Variants in ANKRD18A observed in about 807,000 individuals in gnomAD.
The protein encoded by ANKRD18A is ankyrin repeat domain 18A.
Under a neutral mutation model 110.6 loss-of-function variants are expected in ANKRD18A, and 72 were observed. The observed-to-expected ratio is 0.65, with a 90% CI of 0.54 to 0.79. The LOEUF (loss-of-function observed/expected upper bound fraction) is 0.79. ANKRD18A is among the 30% of genes least tolerant of loss of function. The probability of loss-of-function intolerance (pLI) is 0.00; values close to 1 mark genes in which losing one functional copy is unlikely to be tolerated. For synonymous variants in ANKRD18A, 305 were observed against 410.3 expected, an observed-to-expected ratio of 0.74 and a Z score of 3.10; for missense variants, 934 against 1,163.3, an observed-to-expected ratio of 0.80 and a Z score of 2.87.
chr9:38,614,219 G>GTTTTTTTTTTTT (rs58955752), intron 3 of ANKRD18A, among the ~76,000 whole-genome samples: 98 of 68,822 alleles, frequency 1.4e-3, no homozygotes, highest in South Asian at 2.2e-3. Flanking sequence ...GAACACTGAG[G>GTTTTTTTTTTTT]TTTTTTTTTT....
chr9:38,578,953 T>G (rs374770427), intron 12 of ANKRD18A, among the ~76,000 whole-genome samples: 3 of 152,270 alleles, frequency 2.0e-5, no homozygotes, highest in South Asian at 4.1e-4. Flanking sequence ...AAACTGCAAA[T>G]GTTTCATGCT....
intron 10 of ANKRD18A, 60 bp downstream of exon 10, chr9:38,593,700 C>T (rs1293696194): frequency 5.5e-5 from 75 of 1,369,036 alleles, no homozygotes; most frequent in South Asian, 2.1e-4. Flanking sequence ...TATCCTAAGA[C>T]ACTTTATATT....
In ANKRD18A at chr9:38,571,599, A is replaced by C. The variant is rs1823644832; in HGVS notation, c.*446T>G. The stretch of plus-strand genomic sequence containing the variant: ...TAACACTAGTATGGACAAACCTGGC[A>C]GATACTCTTTAAGTCTCCTACTACA... On this transcript the variant is annotated 3_prime_UTR_variant, in exon 16 of 16. Transcript: ENST00000399703. 1 of 1,010,510 alleles carries C rather than the reference A, an allele frequency of 9.9e-7. No homozygotes were observed. The highest frequency in any genetic ancestry group is 5.7e-5 in the Admixed American group (1 of 17,596). The allele number at this position is 1,010,510 out of a possible 1,614,324, so 62.6% of individuals were successfully genotyped here. A position where few individuals can be genotyped will look rare whatever the true frequency, so the allele number is the denominator to read the frequency against.
chr9:38,618,677 A>T (rs933321355), intron 1 of ANKRD18A, among the ~76,000 whole-genome samples: 2 of 152,172 alleles, frequency 1.3e-5, no homozygotes, highest in African/African-American at 4.8e-5. Context: ...AACACTGTGG[A>T]TAGAACACAG....
chr9:38,593,729 T>G (rs967833881), intron 10 of ANKRD18A, 31 bp downstream of exon 10: 1 of 1,481,208 alleles, frequency 6.8e-7, no homozygotes, highest in African/African-American at 1.4e-5. Context: ...AGCTACAGAT[T>G]AACTGTCTAC....
intron 3 of ANKRD18A, 146 bp downstream of exon 3, chr9:38,615,448 A>T (rs1825809229): frequency 1.2e-5 from 14 of 1,189,988 alleles, no homozygotes; most frequent in African/African-American, 7.8e-5. Flanking sequence ...CTTCTTTAAA[A>T]GTATCAATAT....
chr9:38,593,288 A>G (rs1336359259), intron 10 of ANKRD18A, among the ~76,000 whole-genome samples: 1 of 152,202 alleles, frequency 6.6e-6, no homozygotes, highest in African/African-American at 2.4e-5. Flanking sequence ...AAACATGTGC[A>G]TTTCAAAGAA....
At chr9:38,588,866 A>C (rs2118734944) in intron 10 of ANKRD18A, among the ~76,000 whole-genome samples, 1 of 152,166 alleles carries the variant, frequency 6.6e-6, no homozygotes, top group East Asian at 1.9e-4. Flanking sequence ...TTTCATCATT[A>C]CCTTTTCTGA....
intron 4 of ANKRD18A, among the ~76,000 whole-genome samples, chr9:38,610,857 T>TATAATA (rs55823641): frequency 0.014 from 1,813 of 133,826 alleles, 65 homozygotes; most frequent in Middle Eastern, 0.026. Context: ...CAGCAACAAC[T>TATAATA]ATAATAATAA....
chr9:38,617,922 G>T (rs1412115816), intron 1 of ANKRD18A, among the ~76,000 whole-genome samples: 3 of 152,044 alleles, frequency 2.0e-5, no homozygotes, highest in Non-Finnish European at 2.9e-5. Context: ...AATAATATTT[G>T]CTATTTGTTA....
chr9:38,584,656 T>C (rs1317086740), intron 12 of ANKRD18A, among the ~76,000 whole-genome samples: 2 of 152,138 alleles, frequency 1.3e-5, no homozygotes, highest in African/African-American at 4.8e-5. Flanking sequence ...GTTCAAGACA[T>C]AAGAGAATCA....
rs546859718 is a variant in ANKRD18A, at chr9:38,600,500, C to G, written c.936+631G>C. ...AATATATTCTAAGCTCCACTAGTGA[C>G]AGCGCTTTACAAATTTTAATAGCAT... On this transcript the variant is annotated intron_variant, in intron 8 of 15. Transcript: ENST00000399703. Among the ~76,000 whole-genome samples, 3 of 152,288 alleles carry G rather than the reference C, an allele frequency of 2.0e-5. No individual in the cohort carries two copies. The South Asian group carries it at 6.2e-4, about 32-fold the overall frequency.
At chr9:38,614,889 C>T (rs1390069995) in intron 3 of ANKRD18A, among the ~76,000 whole-genome samples, 1 of 152,088 alleles carries the variant, frequency 6.6e-6, no homozygotes, top group Non-Finnish European at 1.5e-5. Flanking sequence ...TAATTTGTTC[C>T]ACCCTTTGCT....
chr9:38,595,222 C>A (rs1233653065), intron 9 of ANKRD18A, among the ~76,000 whole-genome samples: 1 of 152,142 alleles, frequency 6.6e-6, no homozygotes, highest in Non-Finnish European at 1.5e-5. Flanking sequence ...TACAATCCAA[C>A]TTTAGAACAT....
downstream of ANKRD18A, chr9:38,568,991 C>T (rs1823544519): frequency 7.1e-6 from 7 of 985,434 alleles, no homozygotes; most frequent in Non-Finnish European, 8.4e-6. Flanking sequence ...TTTCCAGCTT[C>T]CCCTTTGAGA....
downstream of ANKRD18A, chr9:38,568,850 C>A (rs1305954462): frequency 3.0e-6 from 3 of 985,286 alleles, no homozygotes; most frequent in Non-Finnish European, 3.6e-6. Flanking sequence ...CCCAACTGGG[C>A]CAGGACCCTT....
At chr9:38,578,855 C>T (rs1339765591) in intron 12 of ANKRD18A, among the ~76,000 whole-genome samples, 3 of 152,198 alleles carry the variant, frequency 2.0e-5, no homozygotes, top group African/African-American at 7.2e-5. Context: ...TGCACTTCTT[C>T]CTGGACGATA....
rs1367963823 is a variant in ANKRD18A, at chr9:38,596,092, T to G, written c.1248A>C (p.Glu416Asp). ...EKEKHNKERL[E>D]AEVESLHSSL... is the part of the protein sequence containing the mutation. ...TAGAATGGAGGGATTCAACTTCAGC[T>G]TCTAGTCTTTCTTTGTTGTGTTTTT... Residue 416 changes from glutamate to aspartate, a missense_variant, in exon 9 of 16, where the codon GAA becomes GAC. This residue lies in a region of ANKRD18A where 630 missense variants were observed against 797.5 expected (regional missense o/e 0.79). Transcript: ENST00000399703. 2 of 1,551,308 alleles carry G rather than the reference T, an allele frequency of 1.3e-6. No homozygotes were observed. The highest frequency in any genetic ancestry group is 2.4e-5 in the East Asian group (1 of 40,922).
intron 12 of ANKRD18A, among the ~76,000 whole-genome samples, chr9:38,579,969 A>C (rs1451126495): frequency 6.6e-6 from 1 of 152,254 alleles, no homozygotes; most frequent in Non-Finnish European, 1.5e-5. Context: ...ATTGTGGTAC[A>C]CATAAACAAT....
Sources: gnomAD v4.1 joint callset for allele counts (sites outside exome capture counted in the v4.1 genomes callset) on GRCh38, gnomAD v4.1.1 for gene constraint, gnomAD v4.1.1 regional missense constraint, MANE v1.5 for transcripts, NCBI Gene and HGNC (gene_info 2026-07-23, HGNC 2026-07-21) for gene names.